Variants in RAB11FIP4 observed in about 807,000 individuals in gnomAD.
The protein encoded by RAB11FIP4 is RAB11 family interacting protein 4.
Under a neutral mutation model 74.3 loss-of-function variants are expected in RAB11FIP4, and 23 were observed. That is an observed-to-expected ratio of 0.31 (90% CI 0.22 to 0.44). The LOEUF (loss-of-function observed/expected upper bound fraction) is 0.44. RAB11FIP4 is among the 20% of genes least tolerant of loss of function. The pLI, the probability that RAB11FIP4 is intolerant of heterozygous loss-of-function variation, is 1.00. For missense variants in RAB11FIP4, 630 were observed against 863.9 expected (o/e 0.73, Z 3.39); for synonymous variants, 360 against 359.9 (o/e 1.00, Z 0.00).
At chr17:31,465,628 C>G (rs1187627928) in intron 3 of RAB11FIP4, 1 of 151,302 alleles carries the variant, frequency 6.6e-6, no homozygotes, top group Non-Finnish European at 1.5e-5. Flanking sequence ...CTGTGATGCT[C>G]TATGTTGATC....
chr17:31,395,273 G>A (rs1005009899), intron 1 of RAB11FIP4, among the ~76,000 whole-genome samples: 4 of 152,150 alleles, frequency 2.6e-5, no homozygotes, highest in South Asian at 2.1e-4. Flanking sequence ...AAAATCTCTC[G>A]TATAGAAGAA....
chr17:31,516,786 ACACTC>A (rs747754484), intron 3 of RAB11FIP4, among the ~76,000 whole-genome samples: 1 of 152,224 alleles, frequency 6.6e-6, no homozygotes, highest in Non-Finnish European at 1.5e-5. Flanking sequence ...AAACGAAAGT[ACACTC>A]CACGGGATGG....
At chr17:31,416,824 G>A (rs1597905204) in intron 1 of RAB11FIP4, among the ~76,000 whole-genome samples, 1 of 152,176 alleles carries the variant, frequency 6.6e-6, no homozygotes, top group Non-Finnish European at 1.5e-5. Flanking sequence ...TCACAGGGCT[G>A]CTGGGAGTGA....
chr17:31,524,947 C>T, intron 9 of RAB11FIP4, 143 bp from the exon 10 acceptor site: 1 of 943,412 alleles, frequency 1.1e-6, no homozygotes, highest in Non-Finnish European at 1.6e-6. Flanking sequence ...CCCCGTTCAT[C>T]TCTCTGAAAG....
chr17:31,451,416 G>A (rs771289219), intron 3 of RAB11FIP4, among the ~76,000 whole-genome samples: 43 of 139,328 alleles, frequency 3.1e-4, no homozygotes, highest in Admixed American at 1.3e-3. Flanking sequence ...CCGAGATGGC[G>A]CCACTACACT....
chr17:31,490,878 G>A (rs980157866), intron 3 of RAB11FIP4, among the ~76,000 whole-genome samples: 3 of 152,216 alleles, frequency 2.0e-5, no homozygotes, highest in South Asian at 2.1e-4. Flanking sequence ...ATCTGTTCGT[G>A]CCTGCTGTCT....
chr17:31,527,783 G>T, intron 10 of RAB11FIP4, 59 bp from the exon 11 acceptor site: 1 of 1,303,472 alleles, frequency 7.7e-7, no homozygotes. Context: ...AGACTGGCAG[G>T]CGCTTATCAG....
At chr17:31,397,512 T>G (rs756199831) in intron 1 of RAB11FIP4, among the ~76,000 whole-genome samples, 3 of 152,030 alleles carry the variant, frequency 2.0e-5, no homozygotes, top group Middle Eastern at 3.4e-3. Flanking sequence ...CCATGCAGAG[T>G]GACAAGGCTG....
chr17:31,453,371 A>C (rs974930754), intron 3 of RAB11FIP4, among the ~76,000 whole-genome samples: 6 of 142,950 alleles, frequency 4.2e-5, no homozygotes, highest in Non-Finnish European at 5.9e-5. Flanking sequence ...AAAAAAAAAA[A>C]AAAAAAAAAC....
intron 3 of RAB11FIP4, among the ~76,000 whole-genome samples, chr17:31,464,579 G>A (rs1007990666): frequency 6.6e-6 from 1 of 151,820 alleles, no homozygotes; most frequent in African/African-American, 2.4e-5. Flanking sequence ...AGCCTCCCAA[G>A]TAGCTGGGAT....
At chr17:31,415,905 T>A (rs1168010015) in intron 1 of RAB11FIP4, among the ~76,000 whole-genome samples, 1 of 152,132 alleles carries the variant, frequency 6.6e-6, no homozygotes, top group African/African-American at 2.4e-5. Context: ...TTTATGCATC[T>A]TTGCACCTGG....
intron 1 of RAB11FIP4, among the ~76,000 whole-genome samples, chr17:31,421,176 C>G (rs1445692980): frequency 6.6e-6 from 1 of 152,174 alleles, no homozygotes; most frequent in Non-Finnish European, 1.5e-5. Context: ...GAGGATTTTT[C>G]AGATGCCTTT....
intron 3 of RAB11FIP4, among the ~76,000 whole-genome samples, chr17:31,501,404 G>A (rs2072218483): frequency 6.6e-6 from 1 of 151,966 alleles, no homozygotes; most frequent in Non-Finnish European, 1.5e-5. Context: ...TACCTTAAAT[G>A]TGCCCAAACA....
intron 3 of RAB11FIP4, among the ~76,000 whole-genome samples, chr17:31,481,935 C>T (rs903765582): frequency 8.5e-5 from 13 of 152,144 alleles, no homozygotes; most frequent in East Asian, 1.9e-4. Flanking sequence ...AACCCAGCCC[C>T]GGGGGCAGGC....
chr17:31,460,484 A>T (rs1244725393), intron 3 of RAB11FIP4, among the ~76,000 whole-genome samples: 1 of 152,190 alleles, frequency 6.6e-6, no homozygotes, highest in East Asian at 1.9e-4. Flanking sequence ...TGTTGAGAGG[A>T]TACAGGAGAT....
intron 1 of RAB11FIP4, among the ~76,000 whole-genome samples, chr17:31,395,918 A>C (rs1050071714): frequency 6.6e-6 from 1 of 152,182 alleles, no homozygotes; most frequent in Non-Finnish European, 1.5e-5. Flanking sequence ...GTGGTGGCTC[A>C]TGCCGGTAAT....
chr17:31,469,938 A>C (rs1377166168), intron 3 of RAB11FIP4, among the ~76,000 whole-genome samples: 4 of 152,208 alleles, frequency 2.6e-5, no homozygotes, highest in African/African-American at 9.6e-5. Context: ...ACCTGAGCTG[A>C]CATAAATACT....
chr17:31,447,270 C>T (rs902202424), intron 3 of RAB11FIP4, among the ~76,000 whole-genome samples: 5 of 152,078 alleles, frequency 3.3e-5, no homozygotes, highest in African/African-American at 1.2e-4. Flanking sequence ...GGCCACAGAG[C>T]GTGAGACTCC....
At chr17:31,408,209 CATT>C (rs1310916544) in intron 1 of RAB11FIP4, among the ~76,000 whole-genome samples, 1 of 152,138 alleles carries the variant, frequency 6.6e-6, no homozygotes, top group Non-Finnish European at 1.5e-5. Context: ...ACAAGCCAAT[CATT>C]ATTACCTTTT....
Sources: gnomAD v4.1 joint callset for allele counts (sites outside exome capture counted in the v4.1 genomes callset) on GRCh38, gnomAD v4.1.1 for gene constraint, MANE v1.5 for transcripts, NCBI Gene and HGNC (gene_info 2026-07-23, HGNC 2026-07-21) for gene names.